COL25A1: variants seen among roughly 807,000 people sequenced by gnomAD.
COL25A1 encodes the protein collagen alpha-1(XXV) chain.
A neutral mutation model predicts 128.4 loss-of-function variants in COL25A1; 103 were observed. The ratio of observed to expected loss-of-function variants is 0.80; its 90% confidence interval spans 0.68 to 0.94. COL25A1 has a LOEUF of 0.94. Ranked by LOEUF, COL25A1 falls within the 40% of genes least tolerant of loss-of-function variation. COL25A1 has a pLI of 0.00. For missense variants in COL25A1, 745 were observed against 840.0 expected, an observed-to-expected ratio of 0.89 and a Z score of 1.40; for synonymous variants, 279 against 277.2, an observed-to-expected ratio of 1.01 and a Z score of -0.06.
chr4:109,257,150 A>G (rs1469804930), intron 3 of COL25A1, among the ~76,000 whole-genome samples: 3 of 152,206 alleles, frequency 2.0e-5, no homozygotes, highest in African/African-American at 4.8e-5. Context: ...GTACAAATAA[A>G]ATTTCTAGAT....
intron 3 of COL25A1, among the ~76,000 whole-genome samples, chr4:109,150,889 T>C (rs1237714358): frequency 6.6e-6 from 1 of 152,140 alleles, no homozygotes; most frequent in Non-Finnish European, 1.5e-5. Flanking sequence ...TCAATTCATT[T>C]CTTAACTTAG....
At chr4:109,000,743 CAAAAAA>C (rs1180104512) in intron 6 of COL25A1, among the ~76,000 whole-genome samples, 10 of 36,426 alleles carry the variant, frequency 2.7e-4, no homozygotes, top group African/African-American at 1.0e-3. Flanking sequence ...GAGACTCTGT[CAAAAAA>C]AAAAAAAAAA....
At chr4:109,065,558 G>A (rs900337710) in intron 3 of COL25A1, among the ~76,000 whole-genome samples, 2 of 151,506 alleles carry the variant, frequency 1.3e-5, no homozygotes, top group African/African-American at 4.9e-5. Flanking sequence ...GTGTGTGTGT[G>A]TGTGTGTGTG....
chr4:109,178,926 T>C (rs1395587302), intron 3 of COL25A1, among the ~76,000 whole-genome samples: 1 of 151,206 alleles, frequency 6.6e-6, no homozygotes, highest in Non-Finnish European at 1.5e-5. Flanking sequence ...AATGGAATAG[T>C]GTATATAAAA....
chr4:109,226,523 A>T (rs1253143143), intron 3 of COL25A1, among the ~76,000 whole-genome samples: 1 of 152,146 alleles, frequency 6.6e-6, no homozygotes, highest in African/African-American at 2.4e-5. Context: ...AGTCCCAAGG[A>T]AAAACATCTC....
At chr4:109,152,339 A>G (rs1771586130) in intron 3 of COL25A1, among the ~76,000 whole-genome samples, 1 of 152,196 alleles carries the variant, frequency 6.6e-6, no homozygotes, top group African/African-American at 2.4e-5. Flanking sequence ...ATTAGCATAT[A>G]TTTAATTATA....
intron 12 of COL25A1, 61 bp from the exon 13 acceptor site, chr4:108,918,277 T>G (rs1180890237): frequency 8.3e-7 from 1 of 1,206,804 alleles, no homozygotes; most frequent in African/African-American, 1.5e-5. Flanking sequence ...AATTCTAAAT[T>G]TATATTGTAT....
chr4:109,287,057 C>A (rs2346030), intron 3 of COL25A1, among the ~76,000 whole-genome samples: 18,834 of 152,004 alleles, frequency 0.12, 1,307 homozygotes, highest in East Asian at 0.23. Context: ...TACACACACA[C>A]AAAAAAATCC....
At chr4:109,003,960 G>GT (rs1209841821) in intron 6 of COL25A1, among the ~76,000 whole-genome samples, 4 of 151,862 alleles carry the variant, frequency 2.6e-5, no homozygotes, top group Non-Finnish European at 1.5e-5. Context: ...CTCTCCAAGA[G>GT]TTTTATTTCC....
At chr4:109,031,329 G>T (rs1455841904) in intron 5 of COL25A1, among the ~76,000 whole-genome samples, 1 of 151,444 alleles carries the variant, frequency 6.6e-6, no homozygotes, top group Non-Finnish European at 1.5e-5. Context: ...TGTTAGCCAG[G>T]ATGGTCTCGA....
chr4:109,054,950 G>A (rs1761327922), intron 3 of COL25A1, among the ~76,000 whole-genome samples: 1 of 152,148 alleles, frequency 6.6e-6, no homozygotes, highest in African/African-American at 2.4e-5. Flanking sequence ...ACCTGTCTGG[G>A]CACAGGGAGA....
chr4:109,203,949 T>G (rs1340208573), intron 3 of COL25A1, among the ~76,000 whole-genome samples: 1 of 152,206 alleles, frequency 6.6e-6, no homozygotes, highest in Non-Finnish European at 1.5e-5. Flanking sequence ...AAGATACACT[T>G]GTGTTTTGAG....
intron 3 of COL25A1, among the ~76,000 whole-genome samples, chr4:109,224,441 T>C (rs966933360): frequency 1.3e-4 from 20 of 152,346 alleles, no homozygotes; most frequent in African/African-American, 4.8e-4. Context: ...ATCAGTCATC[T>C]TAACTTAAAA....
chr4:108,816,632 C>A (rs1278214304), intron 37 of COL25A1, among the ~76,000 whole-genome samples: 1 of 152,150 alleles, frequency 6.6e-6, no homozygotes, highest in East Asian at 1.9e-4. Flanking sequence ...CATTGTCTCT[C>A]TCTCTCCCTC....
intron 8 of COL25A1, among the ~76,000 whole-genome samples, chr4:108,974,070 G>T (rs1360152393): frequency 6.6e-6 from 1 of 152,170 alleles, no homozygotes; most frequent in African/African-American, 2.4e-5. Context: ...AAATCTGAAG[G>T]ACTCAATAGT....
intron 5 of COL25A1, among the ~76,000 whole-genome samples, chr4:109,026,627 T>C (rs1758320712): frequency 6.6e-6 from 1 of 152,210 alleles, no homozygotes; most frequent in Non-Finnish European, 1.5e-5. Context: ...GACGATTTGC[T>C]AGCCCAAGTA....
chr4:109,282,223 A>T (rs1391239243), intron 3 of COL25A1, among the ~76,000 whole-genome samples: 1 of 152,206 alleles, frequency 6.6e-6, no homozygotes, highest in African/African-American at 2.4e-5. Context: ...AACACAGTAA[A>T]ATGTTGATGG....
At chr4:109,035,075 T>C (rs1479450183) in intron 5 of COL25A1, among the ~76,000 whole-genome samples, 1 of 152,148 alleles carries the variant, frequency 6.6e-6, no homozygotes, top group Non-Finnish European at 1.5e-5. Context: ...ATACCCAGCA[T>C]AGGGTGAGAC....
chr4:108,809,974 C>T lies in COL25A1; in HGVS notation c.*3953G>A, dbSNP rs1730665219. ...TCTTGTTTTTACAAATTAGAAAATC[C>T]TATTTTTTTGTAGTGTGAAATATTA... On this transcript the variant is annotated 3_prime_UTR_variant, in exon 38 of 38. Transcript: ENST00000399132. 1 of 111,456 alleles carries T rather than the reference C, an allele frequency of 9.0e-6. No homozygotes were observed. Among genetic ancestry groups the T allele is most frequent in the Admixed American group, 9.3e-5 (1 of 10,784 alleles). The allele number at this position is 111,456 out of a possible 1,614,324, so 6.9% of individuals were successfully genotyped here. A position where few individuals can be genotyped will look rare whatever the true frequency, so the allele number is the denominator to read the frequency against.
Sources: gnomAD v4.1 joint callset for allele counts (sites outside exome capture counted in the v4.1 genomes callset) on GRCh38, gnomAD v4.1.1 for gene constraint, MANE v1.5 for transcripts, NCBI Gene and HGNC (gene_info 2026-07-23, HGNC 2026-07-21) for gene names.